The following GAREM1 variants were observed in gnomAD, a reference collection of about 807,000 sequenced individuals.
The protein encoded by GAREM1 is GRB2-associated and regulator of MAPK protein 1.
A neutral mutation model predicts 71.3 loss-of-function variants in GAREM1; 26 were observed. That is an observed-to-expected ratio of 0.36 (90% CI 0.27 to 0.51). GAREM1 has a LOEUF of 0.51. Ranked by LOEUF, GAREM1 falls within the 20% of genes least tolerant of loss-of-function variation. The pLI, the probability that GAREM1 is intolerant of heterozygous loss-of-function variation, is 0.95. For synonymous variants in GAREM1, 440 were observed against 433.2 expected, an observed-to-expected ratio of 1.02 and a Z score of -0.20; for missense variants, 1,026 against 1,103.1, an observed-to-expected ratio of 0.93 and a Z score of 0.99.
At chr18:32,359,487 G>A (rs1290553365) in intron 2 of GAREM1, among the ~76,000 whole-genome samples, 1 of 152,148 alleles carries the variant, frequency 6.6e-6, no homozygotes, top group African/African-American at 2.4e-5. Context: ...GGAGCCAAAT[G>A]GATTATATAT....
At chr18:32,297,419 T>A (rs1034926159) in intron 3 of GAREM1, among the ~76,000 whole-genome samples, 1 of 152,216 alleles carries the variant, frequency 6.6e-6, no homozygotes, top group Non-Finnish European at 1.5e-5. Context: ...GCTTGGCACA[T>A]GGTAGGCTCT....
intron 2 of GAREM1, among the ~76,000 whole-genome samples, chr18:32,371,548 G>T (rs2047980085): frequency 1.3e-5 from 2 of 152,162 alleles, no homozygotes; most frequent in African/African-American, 2.4e-5. Flanking sequence ...TGAAGTCGTG[G>T]GAGGGCTCCC....
At chr18:32,303,949 AAG>A (rs1215768675) in intron 3 of GAREM1, among the ~76,000 whole-genome samples, 1 of 147,734 alleles carries the variant, frequency 6.8e-6, no homozygotes, top group African/African-American at 2.5e-5. Context: ...AGAGAGAAAT[AAG>A]AGAGAGGTGA....
chr18:32,445,524 A>G (rs907918306), intron 1 of GAREM1, among the ~76,000 whole-genome samples: 4 of 152,152 alleles, frequency 2.6e-5, no homozygotes, highest in African/African-American at 9.7e-5. Context: ...AGAAAATAAA[A>G]TGAATGGCAT....
At chr18:32,449,387 T>C (rs554863401) in intron 1 of GAREM1, among the ~76,000 whole-genome samples, 2 of 152,188 alleles carry the variant, frequency 1.3e-5, no homozygotes, top group South Asian at 4.1e-4. Context: ...TAAAGTGTTA[T>C]TAAAAAGCAG....
At chr18:32,421,013 A>G (rs2048515159) in intron 1 of GAREM1, among the ~76,000 whole-genome samples, 1 of 152,152 alleles carries the variant, frequency 6.6e-6, no homozygotes, top group African/African-American at 2.4e-5. Flanking sequence ...ACATAAACTC[A>G]AGTCCCATTC....
At chr18:32,370,624 G>A (rs2047968905) in intron 2 of GAREM1, among the ~76,000 whole-genome samples, 2 of 152,140 alleles carry the variant, frequency 1.3e-5, no homozygotes, top group African/African-American at 4.8e-5. Flanking sequence ...AACAAGAGAA[G>A]TTTCAATATG....
At chr18:32,290,288 TG>T (rs2047068195) in intron 3 of GAREM1, 1 of 152,094 alleles carries the variant, frequency 6.6e-6, no homozygotes, top group Non-Finnish European at 1.5e-5. Flanking sequence ...AGCCCTGACT[TG>T]TGTTTATTCT....
intron 2 of GAREM1, among the ~76,000 whole-genome samples, chr18:32,316,787 T>C (rs1043174179): frequency 1.3e-5 from 2 of 152,154 alleles, no homozygotes; most frequent in Non-Finnish European, 2.9e-5. Context: ...GTCTTTAAAA[T>C]AGAAATAGCT....
chr18:32,396,825 G>T lies in GAREM1; in HGVS notation c.122-3790C>A, dbSNP rs561593887. 2.0e-5 allele frequency among the ~76,000 whole-genome samples: 3 copies of T among 152,034 alleles called. No homozygotes were observed. In the East Asian group the frequency reaches 5.8e-4, roughly 29 times the overall value. ...AGAGAATGCCACAAAGATACTCCTC[G>T]AGAAGAGCAACTCCAAGACACATAA... On this transcript the variant is annotated intron_variant, in intron 1 of 5. Coordinates refer to ENST00000269209, the MANE Select transcript of GAREM1 (RefSeq NM_001242409.2).
chr18:32,279,400 T>C (rs2041584609), intron 4 of GAREM1, among the ~76,000 whole-genome samples: 1 of 152,208 alleles, frequency 6.6e-6, no homozygotes, highest in South Asian at 2.1e-4. Flanking sequence ...GTGAGATCAG[T>C]GGCAGCATTA....
intron 2 of GAREM1, among the ~76,000 whole-genome samples, chr18:32,352,352 G>C (rs1225017367): frequency 1.3e-5 from 2 of 152,298 alleles, no homozygotes; most frequent in Non-Finnish European, 2.9e-5. Flanking sequence ...GCGACACCTG[G>C]GGCGGCAAGA....
chr18:32,309,615 C>CAA (rs11370938), intron 3 of GAREM1, among the ~76,000 whole-genome samples: 1,039 of 13,838 alleles, frequency 0.075, 199 homozygotes, highest in Non-Finnish European at 0.086. Flanking sequence ...GACTCAGTCT[C>CAA]AAAAAAAAAA....
chr18:32,342,522 C>T (rs1304995081), intron 2 of GAREM1, among the ~76,000 whole-genome samples: 2 of 152,168 alleles, frequency 1.3e-5, no homozygotes, highest in East Asian at 3.8e-4. Flanking sequence ...AAAGGCAGCG[C>T]TCTCTCCTGT....
chr18:32,341,509 G>A (rs2047647475), intron 2 of GAREM1, among the ~76,000 whole-genome samples: 2 of 152,144 alleles, frequency 1.3e-5, no homozygotes. Context: ...TGAGATGTCT[G>A]GGTCAAATGG....
rs2144328921 is a variant in GAREM1, at chr18:32,470,600, G to A, written c.-172C>T. ...CGACTGGGGCGGCCCGGAGGGAGGG[G>A]GCCGGCGCCCGGCTCAGCTGCCGCT... On this transcript the variant is annotated 5_prime_UTR_variant, in exon 1 of 6. Coordinates refer to ENST00000269209, the MANE Select transcript of GAREM1 (RefSeq NM_001242409.2). This position sits in a 1 kb window ranked among gnomAD's most constrained non-coding sequence, Gnocchi z 4.4. 3 of 245,028 alleles carry A rather than the reference G, an allele frequency of 1.2e-5. No homozygotes were observed. Among genetic ancestry groups the A allele is most frequent in the South Asian group, 2.9e-4 (2 of 6,838 alleles). The allele number at this position is 245,028 out of a possible 1,614,324, so 15.2% of individuals were successfully genotyped here.
chr18:32,441,062 A>G (rs897391737), intron 1 of GAREM1, among the ~76,000 whole-genome samples: 1 of 152,190 alleles, frequency 6.6e-6, no homozygotes, highest in Non-Finnish European at 1.5e-5. Context: ...TTAAGATTTA[A>G]TAAAATACAG....
At chr18:32,376,512 G>A (rs1017013849) in intron 2 of GAREM1, among the ~76,000 whole-genome samples, 1 of 152,168 alleles carries the variant, frequency 6.6e-6, no homozygotes, top group African/African-American at 2.4e-5. Context: ...GTTTAAAATT[G>A]AATTTCCTTT....
intron 3 of GAREM1, among the ~76,000 whole-genome samples, chr18:32,303,619 T>C (rs2047220793): frequency 6.6e-6 from 1 of 152,176 alleles, no homozygotes; most frequent in African/African-American, 2.4e-5. Flanking sequence ...TAGGAAGTAT[T>C]ACATAAAGAG....
Sources: gnomAD v4.1 joint callset for allele counts (sites outside exome capture counted in the v4.1 genomes callset) on GRCh38, gnomAD v4.1.1 for gene constraint, Gnocchi (gnomAD v3.1) non-coding constraint, MANE v1.5 for transcripts, NCBI Gene and HGNC (gene_info 2026-07-23, HGNC 2026-07-21) for gene names.